The following PLCL1 variants were observed in gnomAD, a reference collection of about 807,000 sequenced individuals.
PLCL1 encodes inactive phospholipase C-like protein 1.
PLCL1 carries 41 observed loss-of-function variants against 84.4 expected under a neutral mutation model. The ratio of observed to expected loss-of-function variants is 0.49; its 90% CI spans 0.38 to 0.63. The LOEUF is 0.63. Among genes scored for constraint, PLCL1 ranks in the 30% least tolerant of loss-of-function variants. The probability of loss-of-function intolerance (pLI) is 0.00; values close to 1 mark genes in which losing one functional copy is unlikely to be tolerated. For synonymous variants in PLCL1, 490 were observed against 488.3 expected, an observed-to-expected ratio of 1.00 and a Z score of -0.05; for missense variants, 1,206 against 1,367.8, an observed-to-expected ratio of 0.88 and a Z score of 1.87.
chr2:197,984,938 GT>G (rs879320482), intron 1 of PLCL1, among the ~76,000 whole-genome samples: 79 of 145,288 alleles, frequency 5.4e-4, no homozygotes, highest in South Asian at 2.9e-3. Flanking sequence ...TTTCATTATG[GT>G]TTTTTTTTTT....
intron 1 of PLCL1, among the ~76,000 whole-genome samples, chr2:197,849,373 C>T (rs1434670821): frequency 6.6e-6 from 1 of 152,022 alleles, no homozygotes; most frequent in Non-Finnish European, 1.5e-5. Context: ...GTAGAGAGAC[C>T]CCATCTCTAC....
At chr2:197,953,920 A>C (rs940881943) in intron 1 of PLCL1, among the ~76,000 whole-genome samples, 1 of 151,852 alleles carries the variant, frequency 6.6e-6, no homozygotes, top group Non-Finnish European at 1.5e-5. Flanking sequence ...GCCACAGTAG[A>C]ATAAATCTGC....
At chr2:198,065,459 A>G (rs1692303267) in intron 1 of PLCL1, among the ~76,000 whole-genome samples, 1 of 152,196 alleles carries the variant, frequency 6.6e-6, no homozygotes, top group African/African-American at 2.4e-5. Flanking sequence ...TGTTTTCCAT[A>G]TCCTTCAGAA....
intron 1 of PLCL1, among the ~76,000 whole-genome samples, chr2:197,943,426 C>T (rs1208480726): frequency 6.6e-6 from 1 of 151,910 alleles, no homozygotes; most frequent in African/African-American, 2.4e-5. Context: ...TTGATTTGTG[C>T]CATTTGCTAG....
chr2:197,814,251 C>T (rs933741301), intron 1 of PLCL1, among the ~76,000 whole-genome samples: 6 of 152,046 alleles, frequency 3.9e-5, no homozygotes, highest in African/African-American at 4.8e-5. Context: ...ATTTTGGCAT[C>T]GTGTGCTCAC....
In PLCL1 at chr2:198,146,998, A is replaced by G. The variant is rs570729653; in HGVS notation, c.*36A>G. ...TATCGACACGTTCACCCATCTTATC[A>G]AGGACTCTGGTTTCTCATTCTTGTT... On this transcript the variant is annotated 3_prime_UTR_variant, in exon 6 of 6. Transcript: ENST00000428675. 2.0e-6 allele frequency: 3 copies of G among 1,511,076 alleles called. No individual in the cohort carries two copies. Among genetic ancestry groups the G allele is most frequent in the African/African-American group, 1.4e-5 (1 of 71,928 alleles). The allele number at this position is 1,511,076 out of a possible 1,614,324, so 93.6% of individuals were successfully genotyped here. A position where few individuals can be genotyped will look rare whatever the true frequency, so the allele number is the denominator to read the frequency against.
At chr2:198,115,950 AATAT>A (rs1324991413) in intron 5 of PLCL1, among the ~76,000 whole-genome samples, 1 of 147,852 alleles carries the variant, frequency 6.8e-6, no homozygotes, top group African/African-American at 2.5e-5. Context: ...AAATATATAA[AATAT>A]ATACATATAA....
chr2:197,805,282 C>A lies in PLCL1; in HGVS notation c.183C>A (p.Ser61Arg). 1 of 1,285,160 alleles carries A rather than the reference C, an allele frequency of 7.8e-7. No homozygotes were observed. The highest frequency in any genetic ancestry group is 9.8e-7 in the Non-Finnish European group (1 of 1,017,948). The allele number at this position is 1,285,160 out of a possible 1,614,324, so 79.6% of individuals were successfully genotyped here. Residue 61 changes from serine to arginine, a missense_variant, in exon 1 of 6, where the codon AGC becomes AGA. By Grantham distance (110) the Ser-to-Arg change is moderately radical. Coordinates refer to ENST00000428675, the MANE Select transcript of PLCL1 (RefSeq NM_006226.4). The surrounding 1 kb of genome is among the most constrained non-coding windows in gnomAD (Gnocchi z 4.0). ...GCGCCGCGGGGACCCCAGCGGACAG[C>A]GAGGCGGGCCTCCTGGAGGCAGCAC... Reference protein sequence around the residue: ...LPGAAGTPADSEAGLLEAARA... With the variant: ...LPGAAGTPADREAGLLEAARA...
chr2:198,006,223 TATC>T (rs1277849974), intron 1 of PLCL1, among the ~76,000 whole-genome samples: 5 of 152,204 alleles, frequency 3.3e-5, no homozygotes, highest in Admixed American at 6.5e-5. Flanking sequence ...AGAAGTAAGT[TATC>T]ATTATTGTTG....
rs192468394 is a variant in PLCL1, at chr2:197,914,529, C to G, written c.240+109190C>G. ...TATTTTTAGTAGAGACGGGGTTTCACAATGTTGGCCAGGCTTGTCTCAAAC... is the reference window on the plus strand; with the variant it reads ...TATTTTTAGTAGAGACGGGGTTTCAGAATGTTGGCCAGGCTTGTCTCAAAC... On this transcript the variant is annotated intron_variant, in intron 1 of 5. Transcript: ENST00000428675. 1.4e-4 allele frequency among the ~76,000 whole-genome samples: 22 copies of G among 152,180 alleles called. No homozygotes were observed. In the East Asian group the frequency reaches 4.1e-3, roughly 28 times the overall value.
intron 1 of PLCL1, among the ~76,000 whole-genome samples, chr2:197,819,713 AG>A (rs1690766920): frequency 6.6e-6 from 1 of 152,228 alleles, no homozygotes; most frequent in South Asian, 2.1e-4. Flanking sequence ...TTATGATACC[AG>A]GGATAGGTAG....
intron 1 of PLCL1, among the ~76,000 whole-genome samples, chr2:197,930,324 C>T (rs1162034515): frequency 6.6e-6 from 1 of 152,162 alleles, no homozygotes; most frequent in East Asian, 1.9e-4. Context: ...AGAAACACTA[C>T]TTCAACAGAT....
chr2:198,106,041 G>A (rs2105915711), intron 5 of PLCL1, among the ~76,000 whole-genome samples: 1 of 151,926 alleles, frequency 6.6e-6, no homozygotes, highest in East Asian at 2.0e-4. Context: ...TTTGTGCTAG[G>A]TACTGTTTTA....
chr2:198,020,424 T>G lies in PLCL1; in HGVS notation c.241-63334T>G, dbSNP rs1453943711. 2.0e-5 allele frequency among the ~76,000 whole-genome samples: 3 copies of G among 152,086 alleles called. No homozygotes were observed. The East Asian group carries it at 5.8e-4, about 29-fold the overall frequency. On this transcript the variant is annotated intron_variant, in intron 1 of 5. Coordinates refer to ENST00000428675, the MANE Select transcript of PLCL1 (RefSeq NM_006226.4). ...AATGTAAATGGGCTAAATGCCCCAA[T>G]TAAAAGACACAGACTGGCAAATTGG...
At chr2:197,890,774 ATATATATG>A (rs1386669112) in intron 1 of PLCL1, among the ~76,000 whole-genome samples, 112 of 146,312 alleles carry the variant, frequency 7.7e-4, no homozygotes, top group Middle Eastern at 3.6e-3. Flanking sequence ...ATATATACAC[ATATATATG>A]TATATATGTA....
Position 197,805,149 on chromosome 2 carries a change from CG to C in PLCL1, c.56del (p.Gly19AlafsTer16). 2.3e-6 allele frequency: 3 copies of C among 1,306,448 alleles called. No individual in the cohort carries two copies. The highest frequency in any genetic ancestry group is 1.9e-6 in the Non-Finnish European group (2 of 1,032,366). The allele number at this position is 1,306,448 out of a possible 1,614,324, so 80.9% of individuals were successfully genotyped here. A position where few individuals can be genotyped will look rare whatever the true frequency, so the allele number is the denominator to read the frequency against. The part of the protein sequence containing the change: ...GREDPAPPDA[A>X]GGEDDPRVGP... ...GAGGATCCGGCGCCGCCCGACGCGG[CG>C]GGGGGCGAAGACGACCCCCGAGTGG... On this transcript the variant is annotated frameshift_variant, in exon 1 of 6. Coordinates refer to ENST00000428675, the MANE Select transcript of PLCL1 (RefSeq NM_006226.4). LOFTEE classifies it high-confidence loss of function. The surrounding 1 kb of genome is among the most constrained non-coding windows in gnomAD (Gnocchi z 4.0).
intron 1 of PLCL1, among the ~76,000 whole-genome samples, chr2:198,007,003 A>G (rs1690744388): frequency 6.6e-6 from 1 of 152,200 alleles, no homozygotes; most frequent in Non-Finnish European, 1.5e-5. Context: ...AAACAGATTC[A>G]TGAAGATAAG....
intron 1 of PLCL1, among the ~76,000 whole-genome samples, chr2:198,007,832 G>A (rs1690766720): frequency 6.6e-6 from 1 of 152,046 alleles, no homozygotes; most frequent in African/African-American, 2.4e-5. Context: ...AAGATATAAT[G>A]TTTATAAGGA....
At chr2:197,866,803 T>C (rs956671611) in intron 1 of PLCL1, among the ~76,000 whole-genome samples, 3 of 152,174 alleles carry the variant, frequency 2.0e-5, no homozygotes, top group Admixed American at 2.0e-4. Flanking sequence ...TCCCTACCAC[T>C]GTTCCCTACT....
Sources: allele counts gnomAD v4.1 joint callset (sites outside exome capture counted in the v4.1 genomes callset), GRCh38; gene constraint gnomAD v4.1.1; non-coding constraint Gnocchi (gnomAD v3.1); transcripts MANE v1.5; gene names NCBI Gene and HGNC (gene_info 2026-07-23, HGNC 2026-07-21).